RALYL: variants seen among roughly 807,000 people sequenced by gnomAD.
RALYL encodes the protein RALY RNA binding protein like.
In RALYL, 29 loss-of-function variants were observed where a neutral mutation model predicts 35.1. The observed-to-expected ratio is 0.83, with a 90% CI of 0.61 to 1.13. The LOEUF is 1.13. Ranked by LOEUF, RALYL falls within the 50% of genes most tolerant of loss-of-function variation. The pLI is 0.00. For synonymous variants in RALYL, 120 were observed against 127.6 expected (o/e 0.94, Z 0.40); for missense variants, 359 against 360.4 (o/e 1.00, Z 0.03).
chr8:84,183,252 G>A (rs535818073), upstream of RALYL: 8 of 153,846 alleles, frequency 5.2e-5, no homozygotes, highest in Admixed American at 3.9e-4. Context: ...TCAGCGTGAG[G>A]GGCACCTGCT....
chr8:84,268,352 G>A (rs1292608367), intron 1 of RALYL, among the ~76,000 whole-genome samples: 1 of 152,118 alleles, frequency 6.6e-6, no homozygotes, highest in East Asian at 1.9e-4. Context: ...CTGCATACTT[G>A]AAATCACCTC....
chr8:84,286,505 A>G (rs1837647994), intron 1 of RALYL, among the ~76,000 whole-genome samples: 1 of 152,194 alleles, frequency 6.6e-6, no homozygotes, highest in South Asian at 2.1e-4. Context: ...GCAGCAAGAG[A>G]AAGTGTGACA....
In RALYL at chr8:84,887,258, T is replaced by C. The variant is rs369973390; in HGVS notation, c.686-346T>C. On this transcript the variant is annotated intron_variant, in intron 7 of 8. Transcript: ENST00000521268. ...CCATTTGTTTTTGCTCTATTTTTCC[T>C]CTCAGAAAGACCATCCTTATTAGAA... Among the ~76,000 whole-genome samples the C allele has an allele frequency of 7.9e-5, 12 of 152,284 alleles. No homozygotes were observed. In the East Asian group the frequency reaches 1.9e-3, roughly 25 times the overall value.
intron 1 of RALYL, among the ~76,000 whole-genome samples, chr8:84,380,782 A>C (rs1224495738): frequency 2.6e-5 from 4 of 151,774 alleles, no homozygotes; most frequent in Non-Finnish European, 2.9e-5. Context: ...GAAAGGATTT[A>C]AATTAGTCAT....
intron 2 of RALYL, among the ~76,000 whole-genome samples, chr8:84,772,118 C>T (rs1171357465): frequency 6.6e-6 from 1 of 152,048 alleles, no homozygotes; most frequent in Non-Finnish European, 1.5e-5. Flanking sequence ...CTTTCCCTCA[C>T]TGATCTGCTA....
At chr8:84,837,107 T>C (rs973375948) in intron 4 of RALYL, among the ~76,000 whole-genome samples, 1 of 152,164 alleles carries the variant, frequency 6.6e-6, no homozygotes, top group Non-Finnish European at 1.5e-5. Context: ...CCACCTCCTA[T>C]TTCCCCTCCT....
chr8:84,432,408 A>G (rs60226), intron 1 of RALYL, among the ~76,000 whole-genome samples: 100,115 of 151,958 alleles, frequency 0.66, 34,594 homozygotes, highest in African/African-American at 0.88. Context: ...GCTATTCAAT[A>G]CCTGTACAAA....
chr8:84,406,355 A>G (rs2043497884), intron 1 of RALYL, among the ~76,000 whole-genome samples: 1 of 152,082 alleles, frequency 6.6e-6, no homozygotes, highest in South Asian at 2.1e-4. Context: ...AAGTCCAGTT[A>G]TATTGCCTCT....
chr8:84,776,805 T>C (rs1370866754), intron 3 of RALYL, among the ~76,000 whole-genome samples: 1 of 152,204 alleles, frequency 6.6e-6, no homozygotes, highest in East Asian at 1.9e-4. Context: ...TCTATTACTG[T>C]TATATTCAAT....
chr8:84,197,113 T>C (rs996559384), intron 1 of RALYL, among the ~76,000 whole-genome samples: 1 of 152,226 alleles, frequency 6.6e-6, no homozygotes, highest in Non-Finnish European at 1.5e-5. Flanking sequence ...CAGAATGATA[T>C]ACTTAACATG....
chr8:84,472,045 G>C (rs1016099581), intron 1 of RALYL, among the ~76,000 whole-genome samples: 2 of 152,102 alleles, frequency 1.3e-5, no homozygotes, highest in Non-Finnish European at 2.9e-5. Flanking sequence ...TCATAAAATA[G>C]TATGAATAGT....
chr8:84,772,143 G>A (rs1242140182), intron 2 of RALYL, among the ~76,000 whole-genome samples: 3 of 151,792 alleles, frequency 2.0e-5, no homozygotes, highest in Admixed American at 1.3e-4. Flanking sequence ...GGCTCCATGT[G>A]TTTATATATG....
intron 2 of RALYL, among the ~76,000 whole-genome samples, chr8:84,605,010 C>A (rs887235697): frequency 6.6e-6 from 1 of 152,064 alleles, no homozygotes; most frequent in East Asian, 1.9e-4. Context: ...TGTTCCACTA[C>A]CTTCCTAAAA....
intron 1 of RALYL, among the ~76,000 whole-genome samples, chr8:84,449,078 GTTTT>G (rs1554671924): frequency 1.6e-5 from 2 of 124,248 alleles, no homozygotes; most frequent in South Asian, 2.8e-4. Context: ...TAGTTTTTTT[GTTTT>G]TTTTTTTTTT....
At chr8:84,189,591 G>A (rs1813359409) in intron 1 of RALYL, among the ~76,000 whole-genome samples, 1 of 151,704 alleles carries the variant, frequency 6.6e-6, no homozygotes, top group Non-Finnish European at 1.5e-5. Flanking sequence ...TTATATGTTG[G>A]AGGAAACTGA....
chr8:84,416,049 T>C lies in RALYL; in HGVS notation c.-23-113250T>C, dbSNP rs145397348. ...ATAGCTTGTAGATATGTTTGTATCATATAAATTTACTGTTTATGTGGCATT... is the reference window on the plus strand; with the variant it reads ...ATAGCTTGTAGATATGTTTGTATCACATAAATTTACTGTTTATGTGGCATT... On this transcript the variant is annotated intron_variant, in intron 1 of 8. Transcript: ENST00000521268. Among the ~76,000 whole-genome samples, 154 of 152,352 alleles carry C rather than the reference T, an allele frequency of 1.0e-3. 2 individuals are homozygous for C. Among genetic ancestry groups the C allele is most frequent in the African/African-American group, 3.6e-3 (151 of 41,590 alleles).
intron 4 of RALYL, among the ~76,000 whole-genome samples, chr8:84,842,041 C>A (rs1353083206): frequency 6.6e-6 from 1 of 152,156 alleles, no homozygotes; most frequent in Non-Finnish European, 1.5e-5. Flanking sequence ...GACACCCTAA[C>A]ATCACAATTA....
intron 1 of RALYL, among the ~76,000 whole-genome samples, chr8:84,432,985 A>G (rs2047305304): frequency 6.6e-6 from 1 of 152,178 alleles, no homozygotes; most frequent in Admixed American, 6.5e-5. Flanking sequence ...ACACATACAT[A>G]TATATATGTA....
At chr8:84,569,267 G>A (rs921704972) in intron 2 of RALYL, among the ~76,000 whole-genome samples, 1 of 151,966 alleles carries the variant, frequency 6.6e-6, no homozygotes, top group East Asian at 1.9e-4. Flanking sequence ...TCTACATATG[G>A]CTAGCCAGTT....
Sources: allele counts gnomAD v4.1 joint callset (sites outside exome capture counted in the v4.1 genomes callset), GRCh38; gene constraint gnomAD v4.1.1; transcripts MANE v1.5; gene names NCBI Gene and HGNC (gene_info 2026-07-23, HGNC 2026-07-21).